BANP: variants seen among roughly 807,000 people sequenced by gnomAD.
BANP encodes the protein BTG3 associated nuclear protein.
Under a neutral mutation model 68.1 loss-of-function variants are expected in BANP, and 11 were observed. The ratio of observed to expected loss-of-function variants is 0.16; its 90% CI spans 0.10 to 0.27. The LOEUF (loss-of-function observed/expected upper bound fraction) is 0.27, where lower values mean the gene tolerates loss of function less well. BANP is among the 10% of genes least tolerant of loss of function. BANP has a pLI of 1.00. For synonymous variants in BANP, 329 were observed against 303.2 expected, an observed-to-expected ratio of 1.09 and a Z score of -0.88; for missense variants, 504 against 722.7, an observed-to-expected ratio of 0.70 and a Z score of 3.47.
intron 11 of BANP, among the ~76,000 whole-genome samples, chr16:88,051,362 C>T (rs551988141): frequency 3.3e-5 from 5 of 152,320 alleles, no homozygotes; most frequent in South Asian, 4.1e-4. Context: ...CTGTTGCTGC[C>T]CTGCATGTGT....
At chr16:87,999,003 C>T (rs1459519652) in intron 4 of BANP, among the ~76,000 whole-genome samples, 1 of 108,432 alleles carries the variant, frequency 9.2e-6, no homozygotes, top group Non-Finnish European at 1.9e-5. Context: ...CTTACCAGGC[C>T]TTCCAGACAC....
Position 87,981,165 on chromosome 16 carries a change from T to G in BANP, c.162+38T>G, listed in dbSNP as rs200003471. ...CTCTGTTCTGTGGTGTGTAGTGCGTTGCAGATTTCAAGGGCTGCTATAACA... is the reference window on the plus strand; with the variant it reads ...CTCTGTTCTGTGGTGTGTAGTGCGTGGCAGATTTCAAGGGCTGCTATAACA... On this transcript the variant is annotated intron_variant, in intron 3 of 13. Coordinates refer to ENST00000682872, the MANE Select transcript of BANP (RefSeq NM_001386991.1). The G allele has an allele frequency of 2.8e-3, 4,007 of 1,450,704 alleles. 13 individuals are homozygous for G. The highest frequency in any genetic ancestry group is 3.4e-3 in the Non-Finnish European group (3,519 of 1,032,020). 89.9% of individuals were successfully genotyped at this position (1,450,704 alleles called of 1,614,324 possible).
At chr16:87,968,933 G>A (rs1341841085) in intron 1 of BANP, among the ~76,000 whole-genome samples, 1 of 152,102 alleles carries the variant, frequency 6.6e-6, no homozygotes, top group Non-Finnish European at 1.5e-5. Flanking sequence ...ATTATTAGAG[G>A]ATGAAAAGTG....
intron 13 of BANP, among the ~76,000 whole-genome samples, chr16:88,075,088 G>A (rs555312205): frequency 2.0e-5 from 3 of 152,280 alleles, no homozygotes; most frequent in Admixed American, 1.3e-4. Context: ...GCTCACGCCT[G>A]TAATCCCAGC....
At position 88,071,702 on chromosome 16, in the gene BANP, G is replaced by A. The variant is rs752604070; in HGVS notation, c.1378-367G>A. The A allele has an allele frequency of 3.0e-5, 15 of 503,744 alleles. No individual in the cohort carries two copies. The Middle Eastern group carries it at 1.8e-3, about 60-fold the overall frequency. The allele number at this position is 503,744 out of a possible 1,614,324, so 31.2% of individuals were successfully genotyped here. On this transcript the variant is annotated intron_variant, in intron 12 of 13. Coordinates refer to ENST00000682872, the MANE Select transcript of BANP (RefSeq NM_001386991.1). The surrounding 1 kb of genome is among the most constrained non-coding windows in gnomAD (Gnocchi z 6.5). ...CCTCAGTGGCACTCTGGGAGCGCTT[G>A]TGCTCTTCATGGTTGCCACTGGGAT... is the stretch of plus-strand genomic sequence containing the variant.
Position 87,957,315 on chromosome 16 carries a change from T to C in BANP, c.-69+5800T>C, listed in dbSNP as rs888047755. 4.6e-5 allele frequency among the ~76,000 whole-genome samples: 7 copies of C among 151,920 alleles called. No homozygotes were observed. The highest frequency in any genetic ancestry group is 1.7e-4 in the African/African-American group (7 of 41,348). ...CATGGAGCAGAGGCGGCTGAGGAGG[T>C]GAAAGGCTGAGAGGAGGCTGCAGTG... On this transcript the variant is annotated intron_variant, in intron 1 of 13. Transcript: ENST00000682872. The surrounding 1 kb of genome is among the most constrained non-coding windows in gnomAD (Gnocchi z 4.3).
intron 1 of BANP, among the ~76,000 whole-genome samples, chr16:87,954,742 C>G (rs147250436): frequency 6.6e-6 from 1 of 152,222 alleles, no homozygotes; most frequent in Non-Finnish European, 1.5e-5. Flanking sequence ...CTGCCCTGAT[C>G]GGGTCCTCTG....
rs1440165798 is a variant in BANP at position 88,002,538 on chromosome 16, G to T, written c.363-1757G>T. Among the ~76,000 whole-genome samples, 2 of 152,164 alleles carry T rather than the reference G, an allele frequency of 1.3e-5. No homozygotes were observed. The highest frequency in any genetic ancestry group is 2.9e-5 in the Non-Finnish European group (2 of 68,022). On this transcript the variant is annotated intron_variant, in intron 4 of 13. Coordinates refer to ENST00000682872, the MANE Select transcript of BANP (RefSeq NM_001386991.1). This position sits in a 1 kb window ranked among gnomAD's most constrained non-coding sequence, Gnocchi z 4.6. ...ACACACATTGAGATACTCGCTCAAG[G>T]AGAGTCATCTTTAGGCAACAGGACA...
At chr16:87,998,708 G>GACA in intron 4 of BANP, among the ~76,000 whole-genome samples, 1 of 95,592 alleles carries the variant, frequency 1.0e-5, no homozygotes, top group East Asian at 3.3e-4. Flanking sequence ...CCTTCCAGAC[G>GACA]TGTCTCCATG....
intron 7 of BANP, among the ~76,000 whole-genome samples, chr16:88,024,049 C>G (rs1229718240): frequency 1.3e-5 from 2 of 152,326 alleles, no homozygotes; most frequent in Non-Finnish European, 2.9e-5. Context: ...CTCCTTGTGT[C>G]CTGGGCGCTG....
chr16:87,961,369 G>T (rs1042388957), intron 1 of BANP, among the ~76,000 whole-genome samples: 2 of 151,380 alleles, frequency 1.3e-5, no homozygotes, highest in African/African-American at 4.9e-5. Context: ...TTGCTGTGTT[G>T]CCCGGGTTGG....
chr16:87,995,494 C>A (rs1376203114), intron 4 of BANP, among the ~76,000 whole-genome samples: 1 of 152,262 alleles, frequency 6.6e-6, no homozygotes, highest in South Asian at 2.1e-4. Flanking sequence ...TTACTTAATT[C>A]TTTTTACCTG....
chr16:87,978,124 C>T (rs1439948136), intron 2 of BANP, among the ~76,000 whole-genome samples: 1 of 152,226 alleles, frequency 6.6e-6, no homozygotes, highest in African/African-American at 2.4e-5. Flanking sequence ...GCGTGAGCCA[C>T]CGCATCCAGC....
intron 6 of BANP, among the ~76,000 whole-genome samples, chr16:88,016,910 G>A (rs2074705059): frequency 6.6e-6 from 1 of 152,240 alleles, no homozygotes; most frequent in Non-Finnish European, 1.5e-5. Context: ...CTTAGCTACA[G>A]CCAAGAGCCC....
chr16:87,960,334 C>G (rs1009932424), intron 1 of BANP, among the ~76,000 whole-genome samples: 1 of 152,132 alleles, frequency 6.6e-6, no homozygotes, highest in African/African-American at 2.4e-5. Context: ...GATTCAGCAG[C>G]TCTTGGGAAG....
chr16:87,954,069 C>T (rs997886006), intron 1 of BANP, among the ~76,000 whole-genome samples: 1 of 152,050 alleles, frequency 6.6e-6, no homozygotes, highest in Non-Finnish European at 1.5e-5. Flanking sequence ...GGGAAGTTCC[C>T]TTGTTCTGTC....
chr16:87,979,587 G>T (rs1482818470), intron 2 of BANP, among the ~76,000 whole-genome samples: 1 of 152,178 alleles, frequency 6.6e-6, no homozygotes, highest in Non-Finnish European at 1.5e-5. Flanking sequence ...GTGTCATCTG[G>T]CCACAGTGAG....
Position 88,004,926 on chromosome 16 carries a change from T to G in BANP, c.479+515T>G, listed in dbSNP as rs1440470026. ...CCCGCTCTGTGTGAGGGGAAGGCTG[T>G]GCAGTGGCCTCTGGCTGGCATCCAA... On this transcript the variant is annotated intron_variant, in intron 5 of 13. Transcript: ENST00000682872. This position sits in a 1 kb window ranked among gnomAD's most constrained non-coding sequence, Gnocchi z 7.0. Among the ~76,000 whole-genome samples, 1 of 152,234 alleles carries G rather than the reference T, an allele frequency of 6.6e-6. No individual in the cohort carries two copies. Among genetic ancestry groups the G allele is most frequent in the Non-Finnish European group, 1.5e-5 (1 of 68,038 alleles).
chr16:88,053,035 A>G (rs555569212), intron 11 of BANP, among the ~76,000 whole-genome samples: 1 of 149,336 alleles, frequency 6.7e-6, no homozygotes, highest in South Asian at 2.1e-4. Flanking sequence ...CACCCTAACA[A>G]ACACTACCAT....
Sources: allele counts gnomAD v4.1 joint callset (sites outside exome capture counted in the v4.1 genomes callset), GRCh38; gene constraint gnomAD v4.1.1; non-coding constraint Gnocchi (gnomAD v3.1); transcripts MANE v1.5; gene names NCBI Gene and HGNC (gene_info 2026-07-23, HGNC 2026-07-21).